The following LAMP1 variants were observed in gnomAD, a reference collection of about 807,000 sequenced individuals.
LAMP1 encodes the protein lysosome-associated membrane glycoprotein 1.
In LAMP1, 7 loss-of-function variants were observed where a neutral mutation model predicts 37.5. The observed-to-expected ratio is 0.19, with a 90% confidence interval of 0.11 to 0.35. LAMP1 has a LOEUF of 0.35. LAMP1 is among the 10% of genes least tolerant of loss of function. The pLI, the probability that LAMP1 is intolerant of heterozygous loss-of-function variation, is 1.00. For synonymous variants in LAMP1, 236 were observed against 229.1 expected, an observed-to-expected ratio of 1.03 and a Z score of -0.27; for missense variants, 537 against 552.8, an observed-to-expected ratio of 0.97 and a Z score of 0.29.
In LAMP1 at chr13:113,310,742, G is replaced by C; in HGVS notation, c.437G>C (p.Arg146Thr). 1 of 1,612,316 alleles carries C rather than the reference G, an allele frequency of 6.2e-7. No individual in the cohort carries two copies. The highest frequency in any genetic ancestry group is 8.5e-7 in the Non-Finnish European group (1 of 1,179,238). Residue 146 changes from arginine to threonine, a missense_variant, in exon 4 of 9, where the codon AGG (arginine) becomes ACG (threonine). Transcript: ENST00000332556. ...IKTVESITDI[R>T]ADIDKKYRCV... The stretch of plus-strand genomic sequence containing the variant: ...ACTGTGGAATCTATAACTGACATCA[G>C]GGCAGATATAGATAAAAAATACAGA...
intron 4 of LAMP1, among the ~76,000 whole-genome samples, chr13:113,312,783 G>A (rs1335174352): frequency 2.6e-5 from 4 of 152,174 alleles, no homozygotes; most frequent in South Asian, 2.1e-4. Context: ...GAGGACGGAC[G>A]CCTGGCAGCC....
rs1243825231 is a variant in LAMP1, at chr13:113,320,024, C to T, written c.751-321C>T. ...TTTCTTTTGAAATAGTTTTTCTCCC[C>T]TAGTAGTGACAGGCTGTGGGGTTGT... On this transcript the variant is annotated intron_variant, in intron 5 of 8. Transcript: ENST00000332556. The surrounding 1 kb of genome is among the most constrained non-coding windows in gnomAD (Gnocchi z 4.4). Among the ~76,000 whole-genome samples the T allele has an allele frequency of 3.3e-5, 5 of 152,176 alleles. No individual in the cohort carries two copies. The highest frequency in any genetic ancestry group is 1.2e-4 in the African/African-American group (5 of 41,444).
At chr13:113,301,637 AAAAAAAAATATAT>A (rs1255061918) in intron 1 of LAMP1, among the ~76,000 whole-genome samples, 4 of 26,146 alleles carry the variant, frequency 1.5e-4, no homozygotes, top group African/African-American at 4.3e-4. Context: ...TAAAAAAAAA[AAAAAAAAATATAT>A]ATATATATAT....
chr13:113,301,314 C>CA (rs1214286439), intron 1 of LAMP1, among the ~76,000 whole-genome samples: 1 of 151,264 alleles, frequency 6.6e-6, no homozygotes, highest in Admixed American at 6.6e-5. Context: ...AGTGTCTCTA[C>CA]AAAAAAAATT....
intron 4 of LAMP1, among the ~76,000 whole-genome samples, chr13:113,312,250 T>G (rs1478258653): frequency 6.6e-6 from 1 of 152,220 alleles, no homozygotes; most frequent in Non-Finnish European, 1.5e-5. Flanking sequence ...GAACGGCTTT[T>G]CGATTTATAA....
At chr13:113,301,217 G>A (rs1435964831) in intron 1 of LAMP1, among the ~76,000 whole-genome samples, 1 of 152,126 alleles carries the variant, frequency 6.6e-6, no homozygotes, top group Admixed American at 6.6e-5. Context: ...CCACAGCGAG[G>A]CACAGTGGCT....
rs973346752 is a variant in LAMP1 at position 113,309,254 on chromosome 13, C to T, written c.184-389C>T. Reference sequence around the variant, plus strand: ...TAGCTGGGACGACAGGCAGACACCACCATGTCTGATTAGTTTATTTTGTTT... The same window carrying T: ...TAGCTGGGACGACAGGCAGACACCATCATGTCTGATTAGTTTATTTTGTTT... On this transcript the variant is annotated intron_variant, in intron 2 of 8. Coordinates refer to ENST00000332556, the MANE Select transcript of LAMP1 (RefSeq NM_005561.4). Among the ~76,000 whole-genome samples, 3 of 152,000 alleles carry T rather than the reference C, an allele frequency of 2.0e-5. No individual in the cohort carries two copies. The East Asian group carries it at 5.8e-4, about 29-fold the overall frequency.
intron 2 of LAMP1, 137 bp from the exon 3 acceptor site, chr13:113,309,505 TA>T: frequency 1.5e-6 from 1 of 645,862 alleles, no homozygotes; most frequent in Non-Finnish European, 2.6e-6. Context: ...TGGTTTATAT[TA>T]AAAATGAGTA....
chr13:113,307,810 AAAG>A (rs1408876583), intron 2 of LAMP1, among the ~76,000 whole-genome samples: 2 of 148,560 alleles, frequency 1.3e-5, no homozygotes, highest in Admixed American at 6.7e-5. Context: ...AAAAAAAAAA[AAAG>A]CCAGACATGG....
chr13:113,298,185 G>C (rs1256724895), intron 1 of LAMP1, among the ~76,000 whole-genome samples: 1 of 152,228 alleles, frequency 6.6e-6, no homozygotes, highest in Non-Finnish European at 1.5e-5. Context: ...CTAGTAAGTA[G>C]TTTAAAGAGC....
intron 1 of LAMP1, chr13:113,304,837 A>G (rs1488339255): frequency 1.3e-5 from 2 of 151,912 alleles, no homozygotes; most frequent in African/African-American, 2.4e-5. Flanking sequence ...TTGTATTTTT[A>G]GTAGAGACGA....
chr13:113,300,671 AGCCAGGCGTAGTGGCACAG>A (rs2042566390), intron 1 of LAMP1, among the ~76,000 whole-genome samples: 1 of 151,570 alleles, frequency 6.6e-6, no homozygotes, highest in Non-Finnish European at 1.5e-5. Context: ...TTAAAAAGTT[AGCCAGGCGTAGTGGCACAG>A]GCCTGTAGTC....
In LAMP1 at chr13:113,297,257, G is replaced by C. The variant is rs890380995; in HGVS notation, c.-178G>C. On this transcript the variant is annotated 5_prime_UTR_variant, in exon 1 of 9. Transcript: ENST00000332556. This position sits in a 1 kb window ranked among gnomAD's most constrained non-coding sequence, Gnocchi z 4.4. Reference sequence around the variant, plus strand: ...GCAGCTCACGTGACAAGCGCTGCCGGCCGCGGTGTCTTCTTCGTGCCGGCG... The same window carrying C: ...GCAGCTCACGTGACAAGCGCTGCCGCCCGCGGTGTCTTCTTCGTGCCGGCG... 2.1e-4 allele frequency: 35 copies of C among 168,932 alleles called. No homozygotes were observed. The East Asian group carries it at 4.1e-3, about 20-fold the overall frequency. The allele number at this position is 168,932 out of a possible 1,614,324, so 10.5% of individuals were successfully genotyped here.
chr13:113,305,626 C>T (rs2042594506), intron 1 of LAMP1: 2 of 152,200 alleles, frequency 1.3e-5, no homozygotes, highest in African/African-American at 2.4e-5. Flanking sequence ...CCCTTTGCTT[C>T]AGGATGGGGA....
chr13:113,308,324 CTTTTTTTT>C (rs71101565), intron 2 of LAMP1, among the ~76,000 whole-genome samples: 8 of 60,436 alleles, frequency 1.3e-4, no homozygotes, highest in African/African-American at 5.0e-4. Flanking sequence ...CCTCCAAGCA[CTTTTTTTT>C]TTTTTTTTTT....
chr13:113,319,681 G>A (rs771598801), intron 5 of LAMP1, 25 bp downstream of exon 5: 1 of 1,600,320 alleles, frequency 6.2e-7, no homozygotes, highest in Non-Finnish European at 8.5e-7. Flanking sequence ...TCACCTGGGA[G>A]AGGGGGACGG....
intron 4 of LAMP1, among the ~76,000 whole-genome samples, chr13:113,312,649 G>A (rs1384931761): frequency 6.6e-6 from 1 of 152,202 alleles, no homozygotes; most frequent in African/African-American, 2.4e-5. Flanking sequence ...CTCAACACAG[G>A]GCCCCGGGGG....
intron 4 of LAMP1, among the ~76,000 whole-genome samples, chr13:113,312,940 G>T (rs185566790): frequency 6.6e-6 from 1 of 152,132 alleles, no homozygotes; most frequent in Non-Finnish European, 1.5e-5. Flanking sequence ...AATTATCTGG[G>T]CTCCACACCT....
At chr13:113,306,432 G>A (rs1354899948) in intron 1 of LAMP1, 53 bp from the exon 2 acceptor site, 28 of 1,581,186 alleles carry the variant, frequency 1.8e-5, no homozygotes, top group Non-Finnish European at 2.3e-5. Context: ...GAAATACTCG[G>A]TCGTATTTTC....
Sources: allele counts gnomAD v4.1 joint callset (sites outside exome capture counted in the v4.1 genomes callset), GRCh38; gene constraint gnomAD v4.1.1; non-coding constraint Gnocchi (gnomAD v3.1); transcripts MANE v1.5; gene names NCBI Gene and HGNC (gene_info 2026-07-23, HGNC 2026-07-21).